PDZD2: variants seen among roughly 807,000 people sequenced by gnomAD.
PDZD2 encodes the protein PDZ domain containing 2, also known as PDZ domain-containing protein 2.
A neutral mutation model predicts 220.7 loss-of-function variants in PDZD2; 90 were observed. The observed-to-expected ratio is 0.41, with a 90% CI of 0.34 to 0.49. PDZD2 has a LOEUF of 0.49. PDZD2 is among the 20% of genes least tolerant of loss of function. PDZD2 has a pLI of 0.28. For missense variants in PDZD2, 3,174 were observed against 3,608.5 expected (o/e 0.88, Z 3.08); for synonymous variants, 1,375 against 1,450.5 (o/e 0.95, Z 1.18).
At chr5:31,847,064 A>G (rs1218234084) in intron 2 of PDZD2, among the ~76,000 whole-genome samples, 1 of 152,194 alleles carries the variant, frequency 6.6e-6, no homozygotes, top group African/African-American at 2.4e-5. Context: ...ACAGCACTCA[A>G]TAAACCTCGT....
intron 2 of PDZD2, among the ~76,000 whole-genome samples, chr5:31,925,703 C>T (rs1487624126): frequency 5.9e-5 from 9 of 151,358 alleles, no homozygotes; most frequent in Non-Finnish European, 8.8e-5. Context: ...TTTGCAAACT[C>T]TGTTTCCAAC....
intron 2 of PDZD2, among the ~76,000 whole-genome samples, chr5:31,915,411 C>G (rs1332456348): frequency 6.6e-6 from 1 of 152,134 alleles, no homozygotes; most frequent in Non-Finnish European, 1.5e-5. Context: ...GGCCAGGAGT[C>G]TCCTCTATTC....
At chr5:31,775,927 C>T (rs1050088513) in intron 1 of PDZD2, among the ~76,000 whole-genome samples, 4 of 151,972 alleles carry the variant, frequency 2.6e-5, no homozygotes, top group African/African-American at 9.7e-5. Flanking sequence ...TTGACTAAGG[C>T]TTCATGAGTG....
At chr5:32,045,065 A>G (rs1737796766) in intron 7 of PDZD2, among the ~76,000 whole-genome samples, 1 of 152,240 alleles carries the variant, frequency 6.6e-6, no homozygotes, top group African/African-American at 2.4e-5. Context: ...ATGCTACTGT[A>G]TGTGGTTTCT....
intron 2 of PDZD2, among the ~76,000 whole-genome samples, chr5:31,857,375 T>A (rs973698057): frequency 6.6e-6 from 1 of 152,178 alleles, no homozygotes; most frequent in Non-Finnish European, 1.5e-5. Context: ...CCGTGTGTTT[T>A]AGACCCCATG....
At chr5:31,852,474 T>C (rs947683886) in intron 2 of PDZD2, among the ~76,000 whole-genome samples, 1 of 151,514 alleles carries the variant, frequency 6.6e-6, no homozygotes, top group Admixed American at 6.6e-5. Flanking sequence ...TTAATAGAGA[T>C]GGGGTTTCAC....
chr5:32,066,604 G>A (rs1017490281), intron 14 of PDZD2, among the ~76,000 whole-genome samples: 5 of 152,190 alleles, frequency 3.3e-5, no homozygotes, highest in African/African-American at 1.2e-4. Flanking sequence ...ACCTCGGGAA[G>A]CAGTCCAGTA....
intron 2 of PDZD2, among the ~76,000 whole-genome samples, chr5:31,918,767 T>C (rs1269050476): frequency 6.6e-6 from 1 of 151,782 alleles, no homozygotes; most frequent in Non-Finnish European, 1.5e-5. Context: ...AAGATCTCAT[T>C]GATGGCACCG....
At chr5:31,698,613 A>C (rs1747481090) in intron 1 of PDZD2, among the ~76,000 whole-genome samples, 1 of 151,460 alleles carries the variant, frequency 6.6e-6, no homozygotes, top group Admixed American at 6.6e-5. Flanking sequence ...AAAAAAAAAA[A>C]GAAAAAGAGA....
intron 7 of PDZD2, among the ~76,000 whole-genome samples, chr5:32,047,443 C>G (rs1432824966): frequency 1.3e-5 from 2 of 152,116 alleles, no homozygotes; most frequent in Admixed American, 6.6e-5. Context: ...ATGGGATATT[C>G]TAGATCAAGG....
intron 1 of PDZD2, among the ~76,000 whole-genome samples, chr5:31,692,643 C>T (rs540330816): frequency 2.0e-5 from 3 of 152,332 alleles, no homozygotes; most frequent in African/African-American, 2.4e-5. Flanking sequence ...GACCAGCTCA[C>T]GGCAGCCAGG....
chr5:32,102,262 G>A (rs999836969), intron 24 of PDZD2, among the ~76,000 whole-genome samples: 1 of 152,076 alleles, frequency 6.6e-6, no homozygotes, highest in Non-Finnish European at 1.5e-5. Flanking sequence ...CTGCAGGCTG[G>A]GGCCCACCCA....
At chr5:31,840,778 T>C in intron 2 of PDZD2, 2 of 809,482 alleles carry the variant, frequency 2.5e-6, no homozygotes, top group Non-Finnish European at 4.3e-6. Context: ...TGGGGAACAT[T>C]GTAGACTCTT....
intron 1 of PDZD2, among the ~76,000 whole-genome samples, chr5:31,701,182 G>A (rs1258519453): frequency 6.8e-6 from 1 of 147,952 alleles, no homozygotes; most frequent in Non-Finnish European, 1.5e-5. Flanking sequence ...TGGAAAGGGG[G>A]CAGGCCTGGA....
At chr5:31,836,228 C>CTTTT (rs34323361) in intron 2 of PDZD2, among the ~76,000 whole-genome samples, 5,208 of 122,068 alleles carry the variant, frequency 0.043, 338 homozygotes, top group African/African-American at 0.058. Flanking sequence ...ATTTTATTGG[C>CTTTT]TTTTTTTTTT....
intron 2 of PDZD2, among the ~76,000 whole-genome samples, chr5:31,808,138 C>T (rs539458833): frequency 9.2e-5 from 14 of 152,116 alleles, no homozygotes; most frequent in African/African-American, 2.9e-4. Context: ...GTCTCTGGGG[C>T]CATTTAGCAT....
intron 2 of PDZD2, among the ~76,000 whole-genome samples, chr5:31,959,278 A>C (rs1748004242): frequency 1.1e-5 from 1 of 92,148 alleles, no homozygotes; most frequent in Non-Finnish European, 2.8e-5. Context: ...ATAATATATT[A>C]ACTTAAAATG....
At chr5:31,759,109 A>T (rs554567446) in intron 1 of PDZD2, among the ~76,000 whole-genome samples, 5 of 151,668 alleles carry the variant, frequency 3.3e-5, no homozygotes, top group Non-Finnish European at 7.4e-5. Context: ...AGCACTTCTC[A>T]TCATCGGCCC....
intron 2 of PDZD2, among the ~76,000 whole-genome samples, chr5:31,907,447 TC>T (rs1561042137): frequency 3.9e-5 from 6 of 152,224 alleles, no homozygotes; most frequent in African/African-American, 1.2e-4. Flanking sequence ...GGATTAGGGC[TC>T]TAACATGTGT....
Sources: gnomAD v4.1 joint callset for allele counts (sites outside exome capture counted in the v4.1 genomes callset) on GRCh38, gnomAD v4.1.1 for gene constraint, MANE v1.5 for transcripts, NCBI Gene and HGNC (gene_info 2026-07-23, HGNC 2026-07-21) for gene names.